Variants in PALLD observed in about 807,000 individuals in gnomAD.
The protein encoded by PALLD is palladin.
PALLD carries 61 observed loss-of-function variants against 123.5 expected under a neutral mutation model. The ratio of observed to expected loss-of-function variants is 0.49; its 90% confidence interval spans 0.40 to 0.61. The LOEUF is 0.61. Ranked by LOEUF, PALLD falls within the 20% of genes least tolerant of loss-of-function variation. PALLD has a pLI of 0.00. For synonymous variants in PALLD, 465 were observed against 496.4 expected (o/e 0.94, Z 0.84); for missense variants, 1,273 against 1,377.0 (o/e 0.92, Z 1.20).
chr4:168,581,434 G>A (rs879602650), intron 2 of PALLD, among the ~76,000 whole-genome samples: 1 of 151,914 alleles, frequency 6.6e-6, no homozygotes, highest in Non-Finnish European at 1.5e-5. Flanking sequence ...CTTTTTGATA[G>A]TAGCCATTCT....
intron 10 of PALLD, chr4:168,832,180 G>A (rs2150857644): frequency 1.0e-6 from 1 of 985,556 alleles, no homozygotes; most frequent in Non-Finnish European, 1.2e-6. Flanking sequence ...AGGTAGGCGC[G>A]GGGAATCGGC....
intron 15 of PALLD, among the ~76,000 whole-genome samples, chr4:168,909,708 A>G (rs902154177): frequency 1.3e-5 from 2 of 152,218 alleles, no homozygotes; most frequent in African/African-American, 4.8e-5. Context: ...CCTACTAACT[A>G]TGATTACCAG....
intron 2 of PALLD, among the ~76,000 whole-genome samples, chr4:168,646,946 A>T (rs1777521669): frequency 6.6e-6 from 1 of 152,220 alleles, no homozygotes; most frequent in African/African-American, 2.4e-5. Flanking sequence ...CAAAACTACC[A>T]ACAAATTTAA....
intron 2 of PALLD, 94 bp downstream of exon 2, chr4:168,512,506 C>G: frequency 8.7e-7 from 1 of 1,150,592 alleles, no homozygotes; most frequent in Non-Finnish European, 1.3e-6. Context: ...GTCATTAGCC[C>G]TCTGGAGACT....
In PALLD at chr4:168,720,508, T is replaced by G. The variant is rs9884535; in HGVS notation, c.1964+8585T>G. On this transcript the variant is annotated intron_variant, in intron 10 of 21. Transcript: ENST00000505667. ...AAAACCATTTTTTTCAGTTTGTTGT[T>G]ATAAAATTATACACACACTCTGAGT... Among the ~76,000 whole-genome samples the G allele has an allele frequency of 0.033, 5,030 of 152,256 alleles. 377 individuals are homozygous for G. The East Asian group carries it at 0.33, about 10-fold the overall frequency.
intron 10 of PALLD, among the ~76,000 whole-genome samples, chr4:168,771,850 G>A (rs946153694): frequency 3.9e-5 from 6 of 152,158 alleles, no homozygotes; most frequent in Non-Finnish European, 2.9e-5. Flanking sequence ...TGGATTCTAG[G>A]GAGGGCAGCA....
intron 18 of PALLD, among the ~76,000 whole-genome samples, chr4:168,922,985 A>G (rs1314032100): frequency 6.6e-6 from 1 of 152,172 alleles, no homozygotes; most frequent in Non-Finnish European, 1.5e-5. Flanking sequence ...TAGTTTCTCC[A>G]TATATAAAAT....
chr4:168,740,155 A>G (rs140467144), intron 10 of PALLD, among the ~76,000 whole-genome samples: 1 of 152,178 alleles, frequency 6.6e-6, no homozygotes, highest in Non-Finnish European at 1.5e-5. Flanking sequence ...TTCTTGGGAC[A>G]TATGTCAGTA....
rs1182867988 is a variant in PALLD at position 168,511,833 on chromosome 4, C to G, written c.329C>G (p.Thr110Ser). The G allele has an allele frequency of 6.2e-7, 1 of 1,614,000 alleles. No individual in the cohort carries two copies. The highest frequency in any genetic ancestry group is 8.5e-7 in the Non-Finnish European group (1 of 1,179,972). ...GTCCAGCCTCTGGCAGAGAAACAAACTAAGAGTATCTCTTCACCTGTTTCA... is the reference window on the plus strand; with the variant it reads ...GTCCAGCCTCTGGCAGAGAAACAAAGTAAGAGTATCTCTTCACCTGTTTCA... ...TPVQPLAEKQ[T>S]KSISSPVSKR... Residue 110 changes from threonine (T) to serine (S), a missense_variant, in exon 2 of 22, where the codon ACT becomes AGT. Physicochemically the swap from Thr to Ser is moderately conservative, Grantham distance 58. Transcript: ENST00000505667.
At chr4:168,578,035 G>A (rs1769814140) in intron 2 of PALLD, among the ~76,000 whole-genome samples, 1 of 152,002 alleles carries the variant, frequency 6.6e-6, no homozygotes, top group African/African-American at 2.4e-5. Flanking sequence ...AATTTAATGT[G>A]TGCTTCCTTT....
intron 10 of PALLD, among the ~76,000 whole-genome samples, chr4:168,840,498 A>G (rs748215839): frequency 4.6e-5 from 7 of 152,144 alleles, no homozygotes; most frequent in African/African-American, 7.2e-5. Context: ...TTGTAATATC[A>G]GTTCATCTCC....
intron 2 of PALLD, among the ~76,000 whole-genome samples, chr4:168,534,332 G>A (rs1039790340): frequency 1.3e-5 from 2 of 152,212 alleles, no homozygotes; most frequent in Non-Finnish European, 2.9e-5. Flanking sequence ...ATCAGCGAAC[G>A]TGTTCATCTG....
intron 2 of PALLD, among the ~76,000 whole-genome samples, chr4:168,567,060 A>C (rs774414028): frequency 1.3e-5 from 2 of 152,224 alleles, no homozygotes; most frequent in Non-Finnish European, 2.9e-5. Context: ...TTACTTGAAC[A>C]GTGAGTTGTC....
chr4:168,635,609 C>T (rs770673749), intron 2 of PALLD, among the ~76,000 whole-genome samples: 38 of 152,304 alleles, frequency 2.5e-4, no homozygotes, highest in Middle Eastern at 6.8e-3. Context: ...ACTTGCAATT[C>T]GGTGTTATGA....
At chr4:168,810,301 G>C (rs1384942781) in intron 10 of PALLD, among the ~76,000 whole-genome samples, 1 of 152,126 alleles carries the variant, frequency 6.6e-6, no homozygotes, top group African/African-American at 2.4e-5. Context: ...ATTGAAAGAT[G>C]TTCTTAGCAT....
At chr4:168,583,277 A>T (rs1379742938) in intron 2 of PALLD, among the ~76,000 whole-genome samples, 1 of 152,184 alleles carries the variant, frequency 6.6e-6, no homozygotes, top group African/African-American at 2.4e-5. Context: ...TGGATGAATA[A>T]AGTGAAATAT....
intron 2 of PALLD, among the ~76,000 whole-genome samples, chr4:168,599,792 T>TAA (rs1772360867): frequency 6.6e-6 from 1 of 152,080 alleles, no homozygotes; most frequent in Non-Finnish European, 1.5e-5. Context: ...ATTTTTAAAA[T>TAA]AAAATAAAAA....
intron 3 of PALLD, among the ~76,000 whole-genome samples, chr4:168,671,103 TAA>T (rs1373523340): frequency 1.3e-5 from 2 of 151,886 alleles, no homozygotes; most frequent in Admixed American, 1.3e-4. Flanking sequence ...TAAGAACTTA[TAA>T]AAGTTAAATG....
chr4:168,636,865 C>A (rs1776397516), intron 2 of PALLD, among the ~76,000 whole-genome samples: 1 of 152,088 alleles, frequency 6.6e-6, no homozygotes, highest in Non-Finnish European at 1.5e-5. Context: ...CAGGGTGATC[C>A]ATTTCTTGGG....
Sources: gnomAD v4.1 joint callset for allele counts (sites outside exome capture counted in the v4.1 genomes callset) on GRCh38, gnomAD v4.1.1 for gene constraint, MANE v1.5 for transcripts, NCBI Gene and HGNC (gene_info 2026-07-23, HGNC 2026-07-21) for gene names.